PCDH15: variants seen among roughly 807,000 people sequenced by gnomAD.
PCDH15 encodes the protein protocadherin related 15, also known as protocadherin-15.
Under a neutral mutation model 178.5 loss-of-function variants are expected in PCDH15, and 129 were observed. The ratio of observed to expected loss-of-function variants is 0.72; its 90% CI spans 0.63 to 0.84. PCDH15 has a LOEUF of 0.84. Ranked by LOEUF, PCDH15 falls within the 40% of genes least tolerant of loss-of-function variation. The pLI, the probability that PCDH15 is intolerant of heterozygous loss-of-function variation, is 0.00. For missense variants in PCDH15, 2,230 were observed against 2,099.9 expected (o/e 1.06, Z -1.21); for synonymous variants, 800 against 732.0 (o/e 1.09, Z -1.50).
chr10:55,031,539 AG>A (rs1295043103), intron 2 of PCDH15, among the ~76,000 whole-genome samples: 3 of 152,356 alleles, frequency 2.0e-5, no homozygotes, highest in African/African-American at 7.2e-5. Context: ...GGCATTAAAA[AG>A]ACAACTGTAG....
intron 2 of PCDH15, among the ~76,000 whole-genome samples, chr10:55,015,311 G>A (rs1840145293): frequency 6.6e-6 from 1 of 151,572 alleles, no homozygotes; most frequent in Non-Finnish European, 1.5e-5. Context: ...CACTTTTGCT[G>A]TCGATCTCCT....
intron 2 of PCDH15, among the ~76,000 whole-genome samples, chr10:54,587,998 T>C (rs1424432180): frequency 1.3e-5 from 2 of 152,184 alleles, no homozygotes; most frequent in Non-Finnish European, 2.9e-5. Context: ...GTTTCTAATA[T>C]TTTGAAAAGA....
rs73256010 is a variant in PCDH15 at position 54,839,082 on chromosome 10, T to G, written c.-29+58368A>C. On this transcript the variant is annotated intron_variant, in intron 3 of 5. Transcript: ENST00000458638. ...CTGTAAAGGCTAAAAGAGGTTTACT[T>G]CTTCAAATGCACAAACATCAATACA... 3.7e-3 allele frequency among the ~76,000 whole-genome samples: 560 copies of G among 152,258 alleles called. 1 individual carries two copies. The highest frequency in any genetic ancestry group is 0.013 in the African/African-American group (539 of 41,568).
At chr10:53,898,961 G>T (rs888247469) in intron 26 of PCDH15, among the ~76,000 whole-genome samples, 7 of 151,994 alleles carry the variant, frequency 4.6e-5, no homozygotes, top group Admixed American at 4.6e-4. Context: ...TAAAACCAGA[G>T]ACTTCACCTA....
At chr10:55,153,656 T>C (rs1838798783) in intron 2 of PCDH15, among the ~76,000 whole-genome samples, 2 of 152,270 alleles carry the variant, frequency 1.3e-5, no homozygotes, top group Admixed American at 6.5e-5. Context: ...ACTTGTTCAC[T>C]ACCTTCATAG....
At chr10:55,094,461 C>G (rs551495609) in intron 2 of PCDH15, among the ~76,000 whole-genome samples, 2 of 152,000 alleles carry the variant, frequency 1.3e-5, no homozygotes, top group African/African-American at 4.8e-5. Context: ...TTAATGGGTG[C>G]AGCACACCAA....
At chr10:54,587,103 A>G (rs2091526305) in intron 2 of PCDH15, among the ~76,000 whole-genome samples, 1 of 152,146 alleles carries the variant, frequency 6.6e-6, no homozygotes, top group Non-Finnish European at 1.5e-5. Flanking sequence ...CTTTGGTCCA[A>G]AATCATTATG....
chr10:54,002,050 TATGTATATATATAC>T (rs1217620352), intron 20 of PCDH15, among the ~76,000 whole-genome samples: 1 of 26,238 alleles, frequency 3.8e-5, no homozygotes, highest in Non-Finnish European at 6.5e-5. Flanking sequence ...TATATACATA[TATGTATATATATAC>T]ATGTATATAT....
At chr10:55,476,953 A>T (rs1280164506) in intron 2 of PCDH15, among the ~76,000 whole-genome samples, 1 of 151,942 alleles carries the variant, frequency 6.6e-6, no homozygotes, top group African/African-American at 2.4e-5. Context: ...TCTGACCTTC[A>T]TGATGGTGTT....
At chr10:53,828,650 T>C in intron 30 of PCDH15, 77 bp from the exon 31 acceptor site, 1 of 1,188,388 alleles carries the variant, frequency 8.4e-7, no homozygotes, top group Non-Finnish European at 1.2e-6. Flanking sequence ...TAACATCTGA[T>C]TTATTCTAAA....
At chr10:55,234,035 G>C (rs1841303777) in intron 1 of PCDH15, among the ~76,000 whole-genome samples, 1 of 152,020 alleles carries the variant, frequency 6.6e-6, no homozygotes, top group South Asian at 2.1e-4. Flanking sequence ...GTTGCGAAGA[G>C]GTGGGCAGGT....
intron 2 of PCDH15, among the ~76,000 whole-genome samples, chr10:54,646,048 A>T (rs930826343): frequency 1.3e-5 from 2 of 152,126 alleles, no homozygotes; most frequent in Admixed American, 6.6e-5. Flanking sequence ...TTAAATATTT[A>T]TTTTATATTC....
chr10:54,390,298 GTTTT>G, intron 3 of PCDH15, among the ~76,000 whole-genome samples: 1 of 151,822 alleles, frequency 6.6e-6, no homozygotes, highest in African/African-American at 2.4e-5. Context: ...GTTTTGTTTT[GTTTT>G]GTTTTGTTTT....
chr10:54,529,707 A>G (rs2083715180), intron 2 of PCDH15, among the ~76,000 whole-genome samples: 1 of 152,114 alleles, frequency 6.6e-6, no homozygotes, highest in South Asian at 2.1e-4. Context: ...AGAATTAGAT[A>G]TTTCACATAT....
At chr10:53,952,089 G>C (rs2087118448) in intron 23 of PCDH15, among the ~76,000 whole-genome samples, 1 of 152,202 alleles carries the variant, frequency 6.6e-6, no homozygotes, top group African/African-American at 2.4e-5. Context: ...TCATAGCCCT[G>C]GCTCAGGGAG....
At chr10:54,518,604 G>A (rs186512629) in intron 3 of PCDH15, among the ~76,000 whole-genome samples, 40 of 152,228 alleles carry the variant, frequency 2.6e-4, no homozygotes, top group Admixed American at 9.8e-4. Flanking sequence ...AGGACAAGAC[G>A]GATTCACAGC....
At chr10:54,727,290 C>G (rs909185355) in intron 1 of PCDH15, among the ~76,000 whole-genome samples, 1 of 151,274 alleles carries the variant, frequency 6.6e-6, no homozygotes, top group African/African-American at 2.4e-5. Flanking sequence ...AATCAATACA[C>G]GGGAGATCTC....
intron 3 of PCDH15, among the ~76,000 whole-genome samples, chr10:54,394,142 G>A (rs1432042185): frequency 1.3e-5 from 2 of 152,102 alleles, no homozygotes; most frequent in African/African-American, 4.8e-5. Flanking sequence ...TTTAGCCTGT[G>A]TAGAAACTCT....
intron 1 of PCDH15, among the ~76,000 whole-genome samples, chr10:55,211,628 A>G (rs1840574284): frequency 6.6e-6 from 1 of 152,102 alleles, no homozygotes; most frequent in Admixed American, 6.5e-5. Flanking sequence ...ATATTTCTAA[A>G]TAGCATTAAG....
Sources: allele counts gnomAD v4.1 joint callset (sites outside exome capture counted in the v4.1 genomes callset), GRCh38; gene constraint gnomAD v4.1.1; transcripts MANE v1.5; gene names NCBI Gene and HGNC (gene_info 2026-07-23, HGNC 2026-07-21).